Variants in KITLG observed in about 807,000 individuals in gnomAD.
KITLG encodes KIT ligand.
A neutral mutation model predicts 34.1 loss-of-function variants in KITLG; 13 were observed. The observed-to-expected ratio is 0.38, with a 90% CI of 0.25 to 0.61. The LOEUF is 0.61. Among genes scored for constraint, KITLG ranks in the 20% least tolerant of loss-of-function variants. The pLI is 0.60. For missense variants in KITLG, 292 were observed against 318.9 expected (o/e 0.92, Z 0.64); for synonymous variants, 110 against 104.0 (o/e 1.06, Z -0.35).
rs745761824 is a variant in KITLG at position 88,505,211 on chromosome 12, C to T, written c.807G>A (p.Glu269=). Reference sequence around the variant, plus strand: ...CAAGCCACAATTACACTTCTTGAAACTCTCTCTCTTTCTCTTGCAACATAC... The same window carrying T: ...CAAGCCACAATTACACTTCTTGAAATTCTCTCTCTTTCTCTTGCAACATAC... ...EISMLQEKER[E]FQEV Residue 269 remains glutamate, a synonymous_variant, in exon 9 of 10, where the codon GAG becomes GAA. Transcript: ENST00000644744. The T allele has an allele frequency of 3.1e-6, 5 of 1,608,494 alleles. No individual in the cohort carries two copies. In the African/African-American group the frequency reaches 6.7e-5, roughly 22 times the overall value.
chr12:88,578,334 T>C (rs1871898788), intron 1 of KITLG, among the ~76,000 whole-genome samples: 1 of 152,174 alleles, frequency 6.6e-6, no homozygotes, highest in Non-Finnish European at 1.5e-5. Context: ...CTCCTTTGCC[T>C]ACAAGCCGTT....
chr12:88,530,515 T>C (rs1273727586), intron 3 of KITLG, among the ~76,000 whole-genome samples: 6 of 152,276 alleles, frequency 3.9e-5, no homozygotes, highest in Non-Finnish European at 8.8e-5. Context: ...GCCTTCCCAA[T>C]TACTAAACTT....
Position 88,493,869 on chromosome 12 carries a change from T to C in KITLG, c.*3350A>G, listed in dbSNP as rs1868503580. On this transcript the variant is annotated 3_prime_UTR_variant, in exon 10 of 10. Coordinates refer to ENST00000644744, the MANE Select transcript of KITLG (RefSeq NM_000899.5). ...AAGCAAAGGAAAAAGCCATCTCTTG[T>C]GTAAATGGTGATCCAATTCACCCTA... 1 of 151,956 alleles carries C rather than the reference T, an allele frequency of 6.6e-6. No homozygotes were observed. Among genetic ancestry groups the C allele is most frequent in the Non-Finnish European group, 1.5e-5 (1 of 67,870 alleles). 9.4% of individuals were successfully genotyped at this position (151,956 alleles called of 1,614,324 possible). A position where few individuals can be genotyped will look rare whatever the true frequency, so the allele number is the denominator to read the frequency against.
intron 1 of KITLG, among the ~76,000 whole-genome samples, chr12:88,554,137 A>G (rs1871018157): frequency 6.6e-6 from 1 of 152,214 alleles, no homozygotes; most frequent in South Asian, 2.1e-4. Context: ...GTGTGTTGCA[A>G]CACATAAGTC....
intron 1 of KITLG, among the ~76,000 whole-genome samples, chr12:88,546,269 A>C (rs1450407294): frequency 1.3e-5 from 2 of 152,214 alleles, no homozygotes; most frequent in Non-Finnish European, 2.9e-5. Flanking sequence ...GCTTGGCAAG[A>C]AGCAGCATAA....
intron 6 of KITLG, among the ~76,000 whole-genome samples, chr12:88,513,568 GGAAAGCCAAACATATACCAT>G (rs1424780560): frequency 2.0e-5 from 3 of 151,508 alleles, no homozygotes; most frequent in Non-Finnish European, 4.4e-5. Flanking sequence ...TGAAAATAAA[GGAAAGCCAAACATATACCAT>G]GAAAACAGTA....
intron 1 of KITLG, among the ~76,000 whole-genome samples, chr12:88,571,495 G>A (rs1871649321): frequency 6.6e-6 from 1 of 152,148 alleles, no homozygotes; most frequent in African/African-American, 2.4e-5. Context: ...GAAAATTAAT[G>A]CTGTAAAATA....
At chr12:88,501,049 G>A (rs1254857031) in intron 9 of KITLG, among the ~76,000 whole-genome samples, 2 of 152,074 alleles carry the variant, frequency 1.3e-5, no homozygotes, top group African/African-American at 2.4e-5. Flanking sequence ...CAAGGTACTG[G>A]GATTACAGGA....
chr12:88,495,090 A>G lies in KITLG; in HGVS notation c.*2129T>C, dbSNP rs1868577019. 1 of 152,004 alleles carries G rather than the reference A, an allele frequency of 6.6e-6. No homozygotes were observed. Among genetic ancestry groups the G allele is most frequent in the Non-Finnish European group, 1.5e-5 (1 of 67,914 alleles). 9.4% of individuals were successfully genotyped at this position (152,004 alleles called of 1,614,324 possible). ...CATCTCCCCTCTCCTACCATGTCAG[A>G]TTTAATAACTTGCTGAATTTGTTTA... On this transcript the variant is annotated 3_prime_UTR_variant, in exon 10 of 10. Transcript: ENST00000644744.
intron 1 of KITLG, among the ~76,000 whole-genome samples, chr12:88,553,396 A>G (rs1056410097): frequency 2.0e-5 from 3 of 152,076 alleles, no homozygotes; most frequent in Non-Finnish European, 4.4e-5. Flanking sequence ...TGTGTTTGTG[A>G]CTTCTGCTCT....
At chr12:88,542,865 A>G (rs1397701055) in intron 2 of KITLG, among the ~76,000 whole-genome samples, 1 of 152,122 alleles carries the variant, frequency 6.6e-6, no homozygotes, top group Non-Finnish European at 1.5e-5. Flanking sequence ...CTTTAAACAT[A>G]TTTTGGAGAT....
intron 1 of KITLG, among the ~76,000 whole-genome samples, chr12:88,569,511 C>A (rs1304400519): frequency 6.6e-6 from 1 of 152,068 alleles, no homozygotes; most frequent in Non-Finnish European, 1.5e-5. Flanking sequence ...ATGGTAATAG[C>A]AAGAGTAAAT....
chr12:88,540,250 T>G (rs1870472919), intron 2 of KITLG, among the ~76,000 whole-genome samples: 1 of 152,098 alleles, frequency 6.6e-6, no homozygotes, highest in Admixed American at 6.6e-5. Flanking sequence ...ACTTACATCT[T>G]AAACTACTGG....
At position 88,506,370 on chromosome 12, in the gene KITLG, C is replaced by T. The variant is rs1592837700; in HGVS notation, c.723G>A (p.Gln241=). 11 of 1,602,026 alleles carry T rather than the reference C, an allele frequency of 6.9e-6. No homozygotes were observed. The highest frequency in any genetic ancestry group is 9.4e-6 in the Non-Finnish European group (11 of 1,169,200). Reference sequence around the variant, plus strand: ...TTTCAACTGCCCTTGTAAGACTTGGCTGTCTCTTCTGGAAAAAGAAGAAAG... The same window carrying T: ...TTTCAACTGCCCTTGTAAGACTTGGTTGTCTCTTCTGGAAAAAGAAGAAAG... ...AFGALYWKKR[Q]PSLTRAVENI... is the part of the protein sequence containing the mutation. The change falls in exon 8 of 10, where the codon CAG becomes CAA. Residue 241 remains glutamine, a synonymous_variant. Coordinates refer to ENST00000644744, the MANE Select transcript of KITLG (RefSeq NM_000899.5).
intron 1 of KITLG, among the ~76,000 whole-genome samples, chr12:88,576,851 G>A (rs558503880): frequency 6.6e-5 from 10 of 152,038 alleles, no homozygotes; most frequent in African/African-American, 2.4e-4. Context: ...AAATTTTTAT[G>A]TGATTTATGG....
intron 3 of KITLG, 61 bp from the exon 4 acceptor site, chr12:88,518,928 G>T (rs1019057081): frequency 3.5e-6 from 5 of 1,429,628 alleles, no homozygotes; most frequent in African/African-American, 1.4e-5. Flanking sequence ...CATAAAACTC[G>T]GAGTACTCTT....
intron 6 of KITLG, among the ~76,000 whole-genome samples, chr12:88,511,350 C>A (rs911595575): frequency 2.0e-5 from 3 of 152,174 alleles, no homozygotes; most frequent in Admixed American, 6.5e-5. Flanking sequence ...ACAGGGCATC[C>A]ACACTAAGTG....
rs1436832777 is a variant in KITLG at position 88,495,870 on chromosome 12, G to C, written c.*1349C>G. The C allele has an allele frequency of 6.6e-6, 1 of 152,058 alleles. No homozygotes were observed. The highest frequency in any genetic ancestry group is 1.9e-4 in the East Asian group (1 of 5,192). The allele number at this position is 152,058 out of a possible 1,614,324, so 9.4% of individuals were successfully genotyped here. ...AATAAACCATAAGAAATCATTCTTT[G>C]ACTTTAGTCAGATGTTTTCTTATTA... is the stretch of plus-strand genomic sequence containing the variant. On this transcript the variant is annotated 3_prime_UTR_variant, in exon 10 of 10. Coordinates refer to ENST00000644744, the MANE Select transcript of KITLG (RefSeq NM_000899.5).
Position 88,495,111 on chromosome 12 carries a change from GT to G in KITLG, c.*2107del, listed in dbSNP as rs1279715134. ...TCAGATTTAATAACTTGCTGAATTT[GT>G]TTATTTAACTCCATTGATTAAGACC... On this transcript the variant is annotated 3_prime_UTR_variant, in exon 10 of 10. Transcript: ENST00000644744. 1 of 151,924 alleles carries G rather than the reference GT, an allele frequency of 6.6e-6. No homozygotes were observed. Among genetic ancestry groups the G allele is most frequent in the Non-Finnish European group, 1.5e-5 (1 of 67,928 alleles). 9.4% of individuals were successfully genotyped at this position (151,924 alleles called of 1,614,324 possible).
Sources: allele counts gnomAD v4.1 joint callset (sites outside exome capture counted in the v4.1 genomes callset), GRCh38; gene constraint gnomAD v4.1.1; transcripts MANE v1.5; gene names NCBI Gene and HGNC (gene_info 2026-07-23, HGNC 2026-07-21).